Variants in GRIN2A observed in about 807,000 individuals in gnomAD.
The protein encoded by GRIN2A is glutamate receptor ionotropic, NMDA 2A.
GRIN2A carries 22 observed loss-of-function variants against 113.4 expected under a neutral mutation model. The ratio of observed to expected loss-of-function variants is 0.19; its 90% CI spans 0.14 to 0.28. GRIN2A has a LOEUF of 0.28. Ranked by LOEUF, GRIN2A falls within the 10% of genes least tolerant of loss-of-function variation. The probability of loss-of-function intolerance (pLI) is 1.00; values close to 1 mark genes in which losing one functional copy is unlikely to be tolerated. For missense variants in GRIN2A, 1,502 were observed against 1,887.0 expected (o/e 0.80, Z 3.78); for synonymous variants, 827 against 738.4 (o/e 1.12, Z -1.94).
intron 2 of GRIN2A, among the ~76,000 whole-genome samples, chr16:10,075,484 G>A (rs115374712): frequency 0.011 from 1,654 of 152,132 alleles, 35 homozygotes; most frequent in African/African-American, 0.037. Context: ...ACAGAGACTC[G>A]ATTTGGAACG....
chr16:9,934,724 G>A (rs373189756), intron 3 of GRIN2A, among the ~76,000 whole-genome samples: 15 of 111,050 alleles, frequency 1.4e-4, no homozygotes, highest in African/African-American at 4.7e-4. Flanking sequence ...AATCCTTTTT[G>A]TTTTTTTGTT....
chr16:10,096,024 G>A (rs1326062802), intron 2 of GRIN2A, among the ~76,000 whole-genome samples: 2 of 152,028 alleles, frequency 1.3e-5, no homozygotes, highest in Admixed American at 6.6e-5. Context: ...TAACAAACCT[G>A]CACATGTACC....
chr16:10,176,608 C>T (rs2050153072), intron 2 of GRIN2A, among the ~76,000 whole-genome samples: 1 of 149,194 alleles, frequency 6.7e-6, no homozygotes, highest in Non-Finnish European at 1.5e-5. Flanking sequence ...GACAAAAAAC[C>T]AAACACCGCA....
At chr16:9,829,125 A>G (rs2042440821) in intron 9 of GRIN2A, among the ~76,000 whole-genome samples, 1 of 152,170 alleles carries the variant, frequency 6.6e-6, no homozygotes, top group Admixed American at 6.5e-5. Context: ...TAAGCACTTG[A>G]GTCATAGGTC....
chr16:10,096,903 G>A (rs1033530417), intron 2 of GRIN2A, among the ~76,000 whole-genome samples: 1 of 152,168 alleles, frequency 6.6e-6, no homozygotes, highest in African/African-American at 2.4e-5. Context: ...AACCAATGTG[G>A]AATTAACAAT....
rs766868532 is a variant in GRIN2A, at chr16:9,879,376, TC to T, written c.1122+11609del. Among the ~76,000 whole-genome samples the T allele has an allele frequency of 2.6e-5, 4 of 152,272 alleles. No homozygotes were observed. In the East Asian group the frequency reaches 7.7e-4, roughly 29 times the overall value. Reference sequence around the variant, plus strand: ...GCAAAGCTCTTCCAGAAATACCTAATCTGAAAATACCTAATTAGAGACTTAC... The same window carrying T: ...GCAAAGCTCTTCCAGAAATACCTAATTGAAAATACCTAATTAGAGACTTAC... On this transcript the variant is annotated intron_variant, in intron 4 of 12. Transcript: ENST00000330684.
At chr16:9,950,978 A>C (rs1258468118) in intron 2 of GRIN2A, among the ~76,000 whole-genome samples, 1 of 152,200 alleles carries the variant, frequency 6.6e-6, no homozygotes, top group African/African-American at 2.4e-5. Flanking sequence ...AAAACTAATT[A>C]ATTTAAATTT....
chr16:9,812,365 A>G (rs565944401), intron 10 of GRIN2A, among the ~76,000 whole-genome samples: 1 of 152,306 alleles, frequency 6.6e-6, no homozygotes, highest in South Asian at 2.1e-4. Context: ...TAAGCCGGTC[A>G]CGGTAACTCA....
At chr16:9,924,502 T>C (rs1298592852) in intron 3 of GRIN2A, among the ~76,000 whole-genome samples, 2 of 152,346 alleles carry the variant, frequency 1.3e-5, no homozygotes, top group Non-Finnish European at 2.9e-5. Flanking sequence ...GATATATCTT[T>C]AAAACTGATT....
intron 2 of GRIN2A, chr16:10,179,707 A>C: frequency 2.0e-5 from 9 of 458,250 alleles, no homozygotes; most frequent in East Asian, 8.3e-5. Flanking sequence ...CACCACCGCC[A>C]CCACCACCAC....
intron 4 of GRIN2A, among the ~76,000 whole-genome samples, chr16:9,867,502 C>T (rs2043180009): frequency 2.0e-5 from 3 of 152,198 alleles, no homozygotes; most frequent in Non-Finnish European, 4.4e-5. Context: ...GGCATCTCTC[C>T]TCTAGCCTAA....
At chr16:10,007,398 C>T (rs1256952981) in intron 2 of GRIN2A, among the ~76,000 whole-genome samples, 1 of 152,178 alleles carries the variant, frequency 6.6e-6, no homozygotes, top group Non-Finnish European at 1.5e-5. Context: ...ATCATGTTTT[C>T]ATAGACCTCT....
intron 3 of GRIN2A, among the ~76,000 whole-genome samples, chr16:9,924,798 C>A (rs578202552): frequency 9.9e-5 from 15 of 152,038 alleles, no homozygotes; most frequent in Non-Finnish European, 8.8e-5. Context: ...GTCAAACCTG[C>A]CATTAATCCA....
At chr16:10,057,308 T>G (rs535508268) in intron 2 of GRIN2A, among the ~76,000 whole-genome samples, 2 of 152,164 alleles carry the variant, frequency 1.3e-5, no homozygotes, top group Non-Finnish European at 2.9e-5. Context: ...GGGCTTGCTA[T>G]GCAAACTGAA....
At chr16:10,036,052 T>A (rs1164052780) in intron 2 of GRIN2A, among the ~76,000 whole-genome samples, 1 of 152,180 alleles carries the variant, frequency 6.6e-6, no homozygotes, top group East Asian at 1.9e-4. Context: ...GGAATTTAAT[T>A]TCCTTTCTGC....
intron 2 of GRIN2A, among the ~76,000 whole-genome samples, chr16:10,100,845 A>C (rs920046346): frequency 6.6e-6 from 1 of 152,218 alleles, no homozygotes; most frequent in Non-Finnish European, 1.5e-5. Flanking sequence ...CAGGCTCCCT[A>C]ACCACTGGAG....
At chr16:9,826,364 T>C (rs1431477555) in intron 9 of GRIN2A, among the ~76,000 whole-genome samples, 2 of 152,200 alleles carry the variant, frequency 1.3e-5, no homozygotes, top group African/African-American at 4.8e-5. Context: ...CTCTTAATAA[T>C]TCCTAGGGAA....
chr16:9,836,773 A>G (rs762466566), intron 7 of GRIN2A, among the ~76,000 whole-genome samples: 1 of 152,242 alleles, frequency 6.6e-6, no homozygotes, highest in Non-Finnish European at 1.5e-5. Context: ...GTGTCTAAGG[A>G]GTGACCCAGA....
rs557172805 is a variant in GRIN2A at position 10,022,958 on chromosome 16, G to A, written c.415-84407C>T. ...ACACCTGGTATTCCAATGTCTACCA[G>A]GGATAAACTGCTCAGTTTGTAGATT... On this transcript the variant is annotated intron_variant, in intron 2 of 12. Coordinates refer to ENST00000330684, the MANE Select transcript of GRIN2A (RefSeq NM_001134407.3). Among the ~76,000 whole-genome samples, 5 of 152,244 alleles carry A rather than the reference G, an allele frequency of 3.3e-5. No individual in the cohort carries two copies. The South Asian group carries it at 1.0e-3, about 32-fold the overall frequency.
Sources: gnomAD v4.1 joint callset for allele counts (sites outside exome capture counted in the v4.1 genomes callset) on GRCh38, gnomAD v4.1.1 for gene constraint, MANE v1.5 for transcripts, NCBI Gene and HGNC (gene_info 2026-07-23, HGNC 2026-07-21) for gene names.